The following CRYBG1 variants were observed in gnomAD, a reference collection of about 807,000 sequenced individuals.
CRYBG1 encodes beta/gamma crystallin domain-containing protein 1.
Under a neutral mutation model 189.2 loss-of-function variants are expected in CRYBG1, and 139 were observed. The ratio of observed to expected loss-of-function variants is 0.73; its 90% CI spans 0.64 to 0.85. CRYBG1 has a LOEUF of 0.85. CRYBG1 is among the 40% of genes least tolerant of loss of function. The probability of loss-of-function intolerance (pLI) is 0.00; values close to 1 mark genes in which losing one functional copy is unlikely to be tolerated. For synonymous variants in CRYBG1, 1,023 were observed against 1,017.1 expected (o/e 1.01, Z -0.11); for missense variants, 2,611 against 2,675.8 (o/e 0.98, Z 0.53).
rs1322573512 is a variant in CRYBG1, at chr6:106,539,395, C to G, written c.4719-8C>G. 6.2e-7 allele frequency: 1 copy of G among 1,613,172 alleles called. No individual in the cohort carries two copies. The highest frequency in any genetic ancestry group is 8.5e-7 in the Non-Finnish European group (1 of 1,179,702). On this transcript the variant is annotated splice_region_variant and splice_polypyrimidine_tract_variant and intron_variant, in intron 8 of 21. Coordinates refer to ENST00000633556, the MANE Select transcript of CRYBG1 (RefSeq NM_001371242.2). Reference sequence around the variant, plus strand: ...CTCCCTTTCTTTCCTTCCATGGTGGCTATTTAGGTGGCTGATTTATGAAGA... The same window carrying G: ...CTCCCTTTCTTTCCTTCCATGGTGGGTATTTAGGTGGCTGATTTATGAAGA...
intron 15 of CRYBG1, among the ~76,000 whole-genome samples, 182 bp from the exon 16 acceptor site, chr6:106,553,273 G>A (rs986779120): frequency 2.0e-5 from 3 of 152,138 alleles, no homozygotes; most frequent in Admixed American, 6.5e-5. Context: ...CACGAATGGC[G>A]CAGCTAACAT....
At chr6:106,480,391 G>A (rs1319613296) in intron 2 of CRYBG1, among the ~76,000 whole-genome samples, 8 of 151,958 alleles carry the variant, frequency 5.3e-5, no homozygotes, top group South Asian at 4.1e-4. Flanking sequence ...TGGGCCGGGC[G>A]CGGTGGCTCA....
chr6:106,477,251 A>G (rs1196589371), intron 2 of CRYBG1, among the ~76,000 whole-genome samples: 1 of 152,216 alleles, frequency 6.6e-6, no homozygotes, highest in Non-Finnish European at 1.5e-5. Flanking sequence ...AATATATTAA[A>G]TATTTAGTCT....
intron 1 of CRYBG1, among the ~76,000 whole-genome samples, chr6:106,396,618 A>G (rs1305970458): frequency 1.3e-5 from 2 of 152,208 alleles, no homozygotes; most frequent in African/African-American, 2.4e-5. Context: ...TCTTGACCAC[A>G]TGTACAGACT....
intron 21 of CRYBG1, among the ~76,000 whole-genome samples, chr6:106,564,689 C>T (rs1774826017): frequency 6.6e-6 from 1 of 152,144 alleles, no homozygotes; most frequent in Non-Finnish European, 1.5e-5. Context: ...CGGAGAACCA[C>T]TGATAGTCAT....
At chr6:106,493,502 G>A (rs911478442) in intron 2 of CRYBG1, among the ~76,000 whole-genome samples, 5 of 152,158 alleles carry the variant, frequency 3.3e-5, no homozygotes, top group African/African-American at 1.2e-4. Flanking sequence ...ATATCCAAAA[G>A]CATTGAGAGC....
At chr6:106,383,366 A>G (rs1028736065) in intron 1 of CRYBG1, among the ~76,000 whole-genome samples, 2 of 152,212 alleles carry the variant, frequency 1.3e-5, no homozygotes, top group Admixed American at 1.3e-4. Context: ...GGACTTGCCA[A>G]GGGCACCAGG....
At chr6:106,451,589 C>T in intron 1 of CRYBG1, 105 bp from the exon 2 acceptor site, 2 of 1,131,670 alleles carry the variant, frequency 1.8e-6, no homozygotes, top group Non-Finnish European at 2.4e-6. Flanking sequence ...ATTATTTGGG[C>T]TGACTGGAAA....
rs756845318 is a variant in CRYBG1 at position 106,520,875 on chromosome 6, G to C, written c.3667G>C (p.Glu1223Gln). Residue 1223 changes from glutamate to glutamine, a missense_variant, in exon 4 of 22, where the codon GAG (glutamate) becomes CAG (glutamine). Glu to Gln is a conservative substitution (Grantham distance 29). Coordinates refer to ENST00000633556, the MANE Select transcript of CRYBG1 (RefSeq NM_001371242.2). ...PLVMPEINDKENRDVTNGGIK... is the reference protein window; with the variant it reads ...PLVMPEINDKQNRDVTNGGIK... Reference sequence around the variant, plus strand: ...GGTGATGCCGGAAATCAATGACAAAGAGAACAGGGACGTCACAAATGGTGG... The same window carrying C: ...GGTGATGCCGGAAATCAATGACAAACAGAACAGGGACGTCACAAATGGTGG... 1.7e-5 allele frequency: 28 copies of C among 1,614,188 alleles called. No individual in the cohort carries two copies. Among genetic ancestry groups the C allele is most frequent in the Non-Finnish European group, 2.4e-5 (28 of 1,180,034 alleles).
At chr6:106,449,904 A>G (rs1448016449) in intron 1 of CRYBG1, among the ~76,000 whole-genome samples, 1 of 152,234 alleles carries the variant, frequency 6.6e-6, no homozygotes, top group Admixed American at 6.5e-5. Context: ...ATTTTATATA[A>G]TGCAAACAAT....
In CRYBG1 at chr6:106,544,862, G is replaced by T; in HGVS notation, c.5241G>T (p.Leu1747Phe). ...CCAAAGGTTCCAGTATTGATGTATT[G>T]GGAATTGTTGCTAATTTAAAGGAGA... ...FGSKGSSIDV[L>F]GIVANLKETG... Residue 1747 changes from leucine (L) to phenylalanine (F), a missense_variant, in exon 13 of 22, where the codon TTG becomes TTT. Physicochemically the swap from Leu to Phe is conservative, Grantham distance 22 (BLOSUM62 0). Transcript: ENST00000633556. The T allele has an allele frequency of 6.2e-7, 1 of 1,613,786 alleles. No individual in the cohort carries two copies. Among genetic ancestry groups the T allele is most frequent in the Non-Finnish European group, 8.5e-7 (1 of 1,179,838 alleles).
intron 2 of CRYBG1, among the ~76,000 whole-genome samples, chr6:106,511,083 T>G (rs1023088913): frequency 3.3e-5 from 5 of 152,214 alleles, no homozygotes; most frequent in African/African-American, 9.7e-5. Context: ...GTTTATAAAT[T>G]GCATCTTTAT....
In CRYBG1 at chr6:106,402,751, T is replaced by A. The variant is rs115990460; in HGVS notation, c.173+41670T>A. On this transcript the variant is annotated intron_variant, in intron 1 of 21. Coordinates refer to ENST00000633556, the MANE Select transcript of CRYBG1 (RefSeq NM_001371242.2). ...GATCATTCAGAGAATGGTGGAGACA[T>A]GTCAGGAAGGGTGACCCTGAGGAAA... Among the ~76,000 whole-genome samples, 495 of 152,170 alleles carry A rather than the reference T, an allele frequency of 3.3e-3. 3 individuals carry two copies. Among genetic ancestry groups the A allele is most frequent in the African/African-American group, 0.011 (477 of 41,490 alleles).
intron 2 of CRYBG1, among the ~76,000 whole-genome samples, chr6:106,478,941 G>A (rs964116095): frequency 9.2e-5 from 14 of 152,196 alleles, no homozygotes; most frequent in African/African-American, 3.4e-4. Context: ...CTAGTTGCAG[G>A]AAAAGAAACT....
chr6:106,404,713 G>A (rs923038898), intron 1 of CRYBG1, among the ~76,000 whole-genome samples: 2 of 151,978 alleles, frequency 1.3e-5, no homozygotes, highest in African/African-American at 2.4e-5. Flanking sequence ...ATTAGAGAGT[G>A]GGTGCGGCCC....
chr6:106,512,476 G>A lies in CRYBG1; in HGVS notation c.1359G>A (p.Ala453=). The change falls in exon 3 of 22, where the codon GCG becomes GCA. Residue 453 remains alanine (A), a synonymous_variant. Transcript: ENST00000633556. ...ACGCGGTGTTCGACGACGAGGTGGC[G>A]CCAAACGCGGCCAGCGATAACGCCT... ...RDDAVFDDEV[A]PNAASDNASA... The A allele has an allele frequency of 6.2e-7, 1 of 1,610,980 alleles. No homozygotes were observed. Among genetic ancestry groups the A allele is most frequent in the Non-Finnish European group, 8.5e-7 (1 of 1,179,054 alleles).
At chr6:106,565,708 CAG>C (rs1469704613) in intron 21 of CRYBG1, among the ~76,000 whole-genome samples, 1 of 152,146 alleles carries the variant, frequency 6.6e-6, no homozygotes, top group African/African-American at 2.4e-5. Context: ...AGAAACCAAA[CAG>C]TAACATATAG....
intron 2 of CRYBG1, among the ~76,000 whole-genome samples, chr6:106,480,499 GAA>G (rs71703000): frequency 0.25 from 27,516 of 109,576 alleles, 3,609 homozygotes; most frequent in African/African-American, 0.43. Flanking sequence ...TTTCTCTACT[GAA>G]AAAAAAAAAA....
At chr6:106,378,121 C>G (rs147157533) in intron 1 of CRYBG1, among the ~76,000 whole-genome samples, 1 of 152,146 alleles carries the variant, frequency 6.6e-6, no homozygotes, top group Non-Finnish European at 1.5e-5. Context: ...TGTCACCCCC[C>G]GGTCATCCCT....
Sources: allele counts gnomAD v4.1 joint callset (sites outside exome capture counted in the v4.1 genomes callset), GRCh38; gene constraint gnomAD v4.1.1; transcripts MANE v1.5; gene names NCBI Gene and HGNC (gene_info 2026-07-23, HGNC 2026-07-21).